The following LATS2 variants were observed in gnomAD, a reference collection of about 807,000 sequenced individuals.
The protein encoded by LATS2 is serine/threonine-protein kinase LATS2.
Under a neutral mutation model 76.0 loss-of-function variants are expected in LATS2, and 24 were observed. That is an observed-to-expected ratio of 0.32 (90% CI 0.23 to 0.44). LATS2 has a LOEUF of 0.44. Among genes scored for constraint, LATS2 ranks in the 20% least tolerant of loss-of-function variants. LATS2 has a pLI of 1.00. For missense variants in LATS2, 1,286 were observed against 1,481.2 expected, an observed-to-expected ratio of 0.87 and a Z score of 2.16; for synonymous variants, 692 against 635.4, an observed-to-expected ratio of 1.09 and a Z score of -1.34.
chr13:21,056,342 G>T (rs1595261228), intron 1 of LATS2, among the ~76,000 whole-genome samples: 1 of 151,842 alleles, frequency 6.6e-6, no homozygotes. Flanking sequence ...CCCAGCCAGA[G>T]TATCACTTCT....
At chr13:20,977,682 T>C (rs1401523799) in intron 7 of LATS2, among the ~76,000 whole-genome samples, 2 of 152,120 alleles carry the variant, frequency 1.3e-5, no homozygotes, top group Admixed American at 1.3e-4. Flanking sequence ...AATAATTAGA[T>C]GGTAAATTTT....
intron 1 of LATS2, among the ~76,000 whole-genome samples, chr13:21,050,787 T>A (rs1382790288): frequency 1.3e-5 from 2 of 152,188 alleles, no homozygotes; most frequent in African/African-American, 2.4e-5. Context: ...GCAGAGCCCC[T>A]GGAGAGACTG....
intron 2 of LATS2, among the ~76,000 whole-genome samples, chr13:21,026,738 T>C (rs763930918): frequency 1.3e-5 from 2 of 152,198 alleles, no homozygotes; most frequent in Non-Finnish European, 2.9e-5. Flanking sequence ...AGAGGATTGT[T>C]TGAGCCCAGG....
intron 2 of LATS2, among the ~76,000 whole-genome samples, chr13:21,013,788 A>G (rs77389070): frequency 0.027 from 4,171 of 152,204 alleles, 188 homozygotes; most frequent in African/African-American, 0.095. Flanking sequence ...CAACACAGCA[A>G]GACCCCGTCT....
chr13:20,993,599 G>T (rs902745644), intron 2 of LATS2, among the ~76,000 whole-genome samples: 17 of 152,166 alleles, frequency 1.1e-4, no homozygotes, highest in Admixed American at 3.3e-4. Context: ...TGACAGATTG[G>T]AAAATGGTAA....
intron 5 of LATS2, 142 bp downstream of exon 5, chr13:20,983,082 C>A: frequency 1.7e-6 from 1 of 595,576 alleles, no homozygotes; most frequent in Non-Finnish European, 3.0e-6. Context: ...GGAAGGATGT[C>A]ACACCAATTT....
At chr13:20,997,562 TC>T (rs1870809983) in intron 2 of LATS2, among the ~76,000 whole-genome samples, 1 of 152,156 alleles carries the variant, frequency 6.6e-6, no homozygotes, top group Non-Finnish European at 1.5e-5. Context: ...TGCAGGTACA[TC>T]ACCATTTAAT....
In LATS2 at chr13:20,984,613, T is replaced by C. The variant is rs557221090; in HGVS notation, c.1900-807A>G. Among the ~76,000 whole-genome samples the C allele has an allele frequency of 1.2e-4, 18 of 152,232 alleles. No homozygotes were observed. The South Asian group carries it at 3.3e-3, about 28-fold the overall frequency. On this transcript the variant is annotated intron_variant, in intron 4 of 7. Transcript: ENST00000382592. ...TATAAAAAAAATCTAGGAGTAAATT[T>C]AACCAAAAAGTGAAAGAGCTCTACA...
intron 1 of LATS2, among the ~76,000 whole-genome samples, chr13:21,052,918 G>T (rs192076191): frequency 6.6e-6 from 1 of 151,952 alleles, no homozygotes; most frequent in Non-Finnish European, 1.5e-5. Context: ...TCCCCAACCT[G>T]CAAAACCTTT....
intron 2 of LATS2, among the ~76,000 whole-genome samples, chr13:21,021,474 C>CAAAAAAAAAAAAAAAAA (rs58976562): frequency 2.1e-5 from 1 of 48,372 alleles, no homozygotes; most frequent in Non-Finnish European, 4.3e-5. Flanking sequence ...GACTCTGTCT[C>CAAAAAAAAAAAAAAAAA]AAAAAAAAAA....
intron 7 of LATS2, among the ~76,000 whole-genome samples, chr13:20,978,354 T>C (rs1476842309): frequency 6.6e-6 from 1 of 152,190 alleles, no homozygotes; most frequent in East Asian, 1.9e-4. Flanking sequence ...CACAGAAGAC[T>C]GCAGATTCTT....
chr13:21,054,897 C>G (rs1015345285), intron 1 of LATS2, among the ~76,000 whole-genome samples: 1 of 152,212 alleles, frequency 6.6e-6, no homozygotes, highest in African/African-American at 2.4e-5. Flanking sequence ...GAGGACCCCA[C>G]AAGCTGTTCT....
rs776817232 is a variant in LATS2 at position 20,981,439 on chromosome 13, C to T, written c.2665+27G>A. 8 of 1,597,082 alleles carry T rather than the reference C, an allele frequency of 5.0e-6. No individual in the cohort carries two copies. In the East Asian group the frequency reaches 6.7e-5, roughly 13 times the overall value. ...CGTCTGAAGGGAAGGAGACCTCCTG[C>T]GGGGTGGCTGGCCATGGCGCATGTA... On this transcript the variant is annotated intron_variant, in intron 6 of 7. Coordinates refer to ENST00000382592, the MANE Select transcript of LATS2 (RefSeq NM_014572.3).
intron 1 of LATS2, among the ~76,000 whole-genome samples, chr13:21,051,882 AG>A: frequency 6.6e-6 from 1 of 152,258 alleles, no homozygotes; most frequent in East Asian, 1.9e-4. Context: ...ACTTAAACCC[AG>A]GAAGTAGAGG....
At chr13:20,992,109 A>C (rs936768036) in intron 2 of LATS2, among the ~76,000 whole-genome samples, 2 of 152,152 alleles carry the variant, frequency 1.3e-5, no homozygotes, top group Non-Finnish European at 2.9e-5. Context: ...TTCCACCCGA[A>C]AGATGAGGTG....
Position 20,988,361 on chromosome 13 carries a change from G to GGGGGCA in LATS2, c.1418_1419insTGCCCC (p.Pro479_Ala480dup). 1 of 1,368,842 alleles carries GGGGGCA rather than the reference G, an allele frequency of 7.3e-7. No homozygotes were observed. The highest frequency in any genetic ancestry group is 9.3e-7 in the Non-Finnish European group (1 of 1,070,442). 84.8% of individuals were successfully genotyped at this position (1,368,842 alleles called of 1,614,324 possible). A position where few individuals can be genotyped will look rare whatever the true frequency, so the allele number is the denominator to read the frequency against. On this transcript the variant is annotated inframe_insertion, in exon 4 of 8. Transcript: ENST00000382592. Reference sequence around the variant, plus strand: ...CCGCAGCCGGGGCGGGGGCGGGGGCGGGGGCCGGGGCAGGCGCGGGCACCC... The same window carrying GGGGGCA: ...CCGCAGCCGGGGCGGGGGCGGGGGCGGGGGCAGGGGCCGGGGCAGGCGCGGGCACCC...
At chr13:20,987,132 T>C (rs776195777) in intron 4 of LATS2, among the ~76,000 whole-genome samples, 76 of 152,114 alleles carry the variant, frequency 5.0e-4, no homozygotes, top group Non-Finnish European at 8.8e-4. Context: ...GAGGCAGAGG[T>C]TGCAGCGAGC....
chr13:20,982,992 C>CAAAAAAAAAAAAAA, intron 5 of LATS2, among the ~76,000 whole-genome samples: 1 of 87,206 alleles, frequency 1.1e-5, no homozygotes, highest in Non-Finnish European at 2.1e-5. Flanking sequence ...AACTCTGTCT[C>CAAAAAAAAAAAAAA]AAAAAAAAAA....
intron 2 of LATS2, among the ~76,000 whole-genome samples, chr13:21,002,183 G>T (rs752048513): frequency 2.0e-5 from 3 of 151,902 alleles, no homozygotes; most frequent in African/African-American, 4.8e-5. Context: ...AAAGTGCTGG[G>T]ATTACACGTG....
Sources: allele counts gnomAD v4.1 joint callset (sites outside exome capture counted in the v4.1 genomes callset), GRCh38; gene constraint gnomAD v4.1.1; transcripts MANE v1.5; gene names NCBI Gene and HGNC (gene_info 2026-07-23, HGNC 2026-07-21).